The following XYLB variants were observed in gnomAD, a reference collection of about 807,000 sequenced individuals.
XYLB encodes xylulokinase.
In XYLB, 62 loss-of-function variants were observed where a neutral mutation model predicts 78.7. That is an observed-to-expected ratio of 0.79 (90% CI 0.64 to 0.97). The LOEUF (loss-of-function observed/expected upper bound fraction) is 0.97, where lower values mean the gene tolerates loss of function less well. XYLB is among the 50% of genes least tolerant of loss of function. XYLB has a pLI of 0.00. For synonymous variants in XYLB, 245 were observed against 247.4 expected (o/e 0.99, Z 0.09); for missense variants, 687 against 676.8 (o/e 1.02, Z -0.17).
chr3:38,403,598 G>A (rs1478255194), intron 18 of XYLB, among the ~76,000 whole-genome samples: 1 of 152,104 alleles, frequency 6.6e-6, no homozygotes, highest in East Asian at 1.9e-4. Context: ...AAAAATACTG[G>A]CCTATCCCTC....
intron 2 of XYLB, among the ~76,000 whole-genome samples, chr3:38,352,697 TACA>T (rs1430956666): frequency 1.2e-4 from 18 of 151,980 alleles, no homozygotes; most frequent in African/African-American, 4.3e-4. Flanking sequence ...TAGTCCCAGC[TACA>T]CAGGAGGCTG....
In XYLB at chr3:38,375,194, G is replaced by A. The variant is rs762733242; in HGVS notation, c.939G>A (p.Met313Ile). Reference protein sequence around the residue: ...DTLFLWLQEPMPALEGHIFCN... With the variant: ...DTLFLWLQEPIPALEGHIFCN... Reference sequence around the variant, plus strand: ...TGTTTCTCTGGCTCCAAGAGCCCATGCCTGCCCTGGAAGGCCACATCTTCT... The same window carrying A: ...TGTTTCTCTGGCTCCAAGAGCCCATACCTGCCCTGGAAGGCCACATCTTCT... The change falls in exon 12 of 19, where the codon ATG becomes ATA. Residue 313 changes from methionine (M) to isoleucine (I), a missense_variant. By Grantham distance (10) the Met-to-Ile change is conservative (BLOSUM62 1). Transcript: ENST00000207870. 2.5e-6 allele frequency: 4 copies of A among 1,614,182 alleles called. No homozygotes were observed. In the Admixed American group the frequency reaches 5.0e-5, roughly 20 times the overall value.
chr3:38,354,715 G>T (rs550771737), intron 2 of XYLB, among the ~76,000 whole-genome samples: 5 of 152,040 alleles, frequency 3.3e-5, no homozygotes, highest in African/African-American at 1.2e-4. Context: ...AATTGGTCAG[G>T]CTGGTCTGGA....
chr3:38,444,875 T>C, the XYLB span, among the ~76,000 whole-genome samples: 3 of 151,888 alleles, frequency 2.0e-5, no homozygotes, highest in Admixed American at 2.0e-4. Context: ...TACTCACTGA[T>C]GCAGTAGCAG....
the XYLB span, among the ~76,000 whole-genome samples, chr3:38,448,206 A>C: frequency 2.0e-5 from 3 of 150,298 alleles, no homozygotes; most frequent in Non-Finnish European, 4.4e-5. Flanking sequence ...GGCAGTAGAG[A>C]GATAGATAAC....
the XYLB span, among the ~76,000 whole-genome samples, chr3:38,449,954 G>A: frequency 2.2e-3 from 330 of 152,192 alleles, 1 homozygote; most frequent in African/African-American, 6.4e-3. Flanking sequence ...AGAAAGGGGC[G>A]GGGAAAGTAC....
At chr3:38,400,843 G>A (rs754171495) in intron 17 of XYLB, 48 bp from the exon 18 acceptor site, 4 of 1,542,726 alleles carry the variant, frequency 2.6e-6, no homozygotes, top group Non-Finnish European at 3.6e-6. Context: ...TTTGGTTAAC[G>A]TCTTCACTTG....
intron 15 of XYLB, among the ~76,000 whole-genome samples, chr3:38,380,014 G>A (rs1379128069): frequency 6.6e-6 from 1 of 152,142 alleles, no homozygotes; most frequent in Non-Finnish European, 1.5e-5. Context: ...CACATGGTGA[G>A]GGAGCTGAGT....
chr3:38,376,301 G>A, intron 13 of XYLB, 69 bp downstream of exon 13: 3 of 1,148,842 alleles, frequency 2.6e-6, no homozygotes, highest in South Asian at 1.2e-5. Context: ...CAGAGCCTGG[G>A]GCCCCATGAG....
chr3:38,393,211 C>T lies in XYLB; in HGVS notation c.1292-2294C>T, dbSNP rs558828039. ...TGCCGCACAGGCTGGAGTGCAGCGGCGCGATCTCAGCTCACTGCAACCTCC... is the reference window on the plus strand; with the variant it reads ...TGCCGCACAGGCTGGAGTGCAGCGGTGCGATCTCAGCTCACTGCAACCTCC... On this transcript the variant is annotated intron_variant, in intron 15 of 18. Transcript: ENST00000207870. Among the ~76,000 whole-genome samples the T allele has an allele frequency of 6.6e-5, 10 of 152,124 alleles. No homozygotes were observed. In the South Asian group the frequency reaches 1.2e-3, roughly 19 times the overall value.
chr3:38,410,114 T>C (rs966468908), intron 18 of XYLB, among the ~76,000 whole-genome samples: 19 of 152,188 alleles, frequency 1.2e-4, no homozygotes, highest in South Asian at 4.1e-4. Context: ...GGAGGCATCA[T>C]GCTACCTGAC....
At chr3:38,359,004 A>G (rs1559576332) in intron 2 of XYLB, among the ~76,000 whole-genome samples, 1 of 152,220 alleles carries the variant, frequency 6.6e-6, no homozygotes, top group Non-Finnish European at 1.5e-5. Flanking sequence ...ACGCACCAGC[A>G]CTAGAGGAAT....
the XYLB span, among the ~76,000 whole-genome samples, chr3:38,435,262 A>G: frequency 6.6e-6 from 1 of 152,192 alleles, no homozygotes; most frequent in Non-Finnish European, 1.5e-5. Context: ...AACAGAAACC[A>G]AAAGTGAGCA....
intron 2 of XYLB, among the ~76,000 whole-genome samples, chr3:38,350,151 C>A (rs905769540): frequency 1.3e-5 from 2 of 152,188 alleles, no homozygotes; most frequent in Admixed American, 6.5e-5. Flanking sequence ...TGAAGCCTTC[C>A]CAGCTGACCC....
At chr3:38,379,452 A>T in intron 15 of XYLB, 110 bp downstream of exon 15, 1 of 1,062,988 alleles carries the variant, frequency 9.4e-7, no homozygotes, top group Non-Finnish European at 1.4e-6. Context: ...TTACAGGGGG[A>T]CTTGTGCAGG....
chr3:38,413,006 C>A lies in XYLB; in HGVS notation c.1604C>A (p.Pro535Gln). 1 of 1,599,326 alleles carries A rather than the reference C, an allele frequency of 6.3e-7. No homozygotes were observed. Among genetic ancestry groups the A allele is most frequent in the Admixed American group, 1.8e-5 (1 of 55,656 alleles). ...ATCTTGTCTCAGACCCGGGGGCCTC[C>A]GGAGTGAACAGGCATCCCTGTTGCC... is the stretch of plus-strand genomic sequence containing the variant. ...QRILSQTRGP[P>Q]E The change falls in exon 19 of 19, where the codon CCG becomes CAG. Residue 535 changes from proline (P) to glutamine (Q), a missense_variant. Transcript: ENST00000207870.
downstream of XYLB, among the ~76,000 whole-genome samples, chr3:38,418,259 C>G (rs1359473141): frequency 2.7e-5 from 4 of 150,126 alleles, no homozygotes; most frequent in African/African-American, 9.8e-5. Context: ...GAAAAAAACG[C>G]AAGTACACTT....
intron 3 of XYLB, among the ~76,000 whole-genome samples, chr3:38,361,844 G>A (rs964565931): frequency 4.6e-5 from 7 of 152,350 alleles, no homozygotes; most frequent in Middle Eastern, 6.8e-3. Flanking sequence ...AGCCCTCCCA[G>A]CAAAGGCTGG....
intron 1 of XYLB, 75 bp from the exon 2 acceptor site, chr3:38,348,475 G>T (rs1705186787): frequency 4.9e-6 from 7 of 1,430,000 alleles, no homozygotes; most frequent in Non-Finnish European, 6.9e-6. Context: ...GCCTCATCTG[G>T]TGACGTTAGT....
Sources: gnomAD v4.1 joint callset for allele counts (sites outside exome capture counted in the v4.1 genomes callset) on GRCh38, gnomAD v4.1.1 for gene constraint, MANE v1.5 for transcripts, NCBI Gene and HGNC (gene_info 2026-07-23, HGNC 2026-07-21) for gene names.